PXDNL: variants seen among roughly 807,000 people sequenced by gnomAD.
The protein encoded by PXDNL is probable oxidoreductase PXDNL.
In PXDNL, 145 loss-of-function variants were observed where a neutral mutation model predicts 150.8. The ratio of observed to expected loss-of-function variants is 0.96; its 90% confidence interval spans 0.84 to 1.10. PXDNL has a LOEUF of 1.10. Among genes scored for constraint, PXDNL ranks in the 50% least tolerant of loss-of-function variants. The pLI is 0.00. For missense variants in PXDNL, 2,087 were observed against 1,873.9 expected, an observed-to-expected ratio of 1.11 and a Z score of -2.10; for synonymous variants, 757 against 725.7, an observed-to-expected ratio of 1.04 and a Z score of -0.69.
At chr8:51,347,666 T>C (rs1177536870) in intron 19 of PXDNL, among the ~76,000 whole-genome samples, 2 of 151,800 alleles carry the variant, frequency 1.3e-5, no homozygotes, top group African/African-American at 2.4e-5. Context: ...AAAAAATTTC[T>C]GGAGGCCGGG....
chr8:51,323,798 C>T (rs1805396665), intron 21 of PXDNL, among the ~76,000 whole-genome samples: 1 of 151,864 alleles, frequency 6.6e-6, no homozygotes. Flanking sequence ...TGCCTGTAAT[C>T]CCAGCTACTC....
chr8:51,705,851 G>GCA, intron 1 of PXDNL, among the ~76,000 whole-genome samples: 1 of 140,996 alleles, frequency 7.1e-6, no homozygotes, highest in Non-Finnish European at 1.6e-5. Context: ...GCGCGCGCGC[G>GCA]CGTGCATGCA....
At chr8:51,663,099 T>A (rs368205800) in intron 1 of PXDNL, among the ~76,000 whole-genome samples, 4 of 152,158 alleles carry the variant, frequency 2.6e-5, no homozygotes, top group Non-Finnish European at 4.4e-5. Flanking sequence ...GGTGTTAACA[T>A]GATGATTTTA....
chr8:51,403,677 G>C (rs1808339368), intron 17 of PXDNL, among the ~76,000 whole-genome samples: 1 of 152,204 alleles, frequency 6.6e-6, no homozygotes, highest in African/African-American at 2.4e-5. Flanking sequence ...TTCACAGACA[G>C]CTGCCATCTG....
At chr8:51,394,841 C>T (rs1398510408) in intron 17 of PXDNL, among the ~76,000 whole-genome samples, 1 of 152,134 alleles carries the variant, frequency 6.6e-6, no homozygotes, top group African/African-American at 2.4e-5. Flanking sequence ...AGTCTCTGCT[C>T]TGCCCAGGAT....
intron 1 of PXDNL, among the ~76,000 whole-genome samples, chr8:51,806,391 T>C (rs1427368112): frequency 6.6e-6 from 1 of 152,148 alleles, no homozygotes; most frequent in Admixed American, 6.5e-5. Flanking sequence ...CAAAAACTAT[T>C]GGTTCTGCTG....
At chr8:51,575,462 C>T (rs954719108) in intron 3 of PXDNL, among the ~76,000 whole-genome samples, 1 of 152,060 alleles carries the variant, frequency 6.6e-6, no homozygotes, top group Non-Finnish European at 1.5e-5. Flanking sequence ...GCCCCTGAAT[C>T]CCAGCACATT....
At chr8:51,581,961 T>C (rs1373827339) in intron 3 of PXDNL, among the ~76,000 whole-genome samples, 1 of 151,666 alleles carries the variant, frequency 6.6e-6, no homozygotes, top group Non-Finnish European at 1.5e-5. Flanking sequence ...AAAATTTAAT[T>C]ACATGGAACA....
chr8:51,478,150 AC>A (rs1810524001), intron 6 of PXDNL, among the ~76,000 whole-genome samples: 2 of 152,172 alleles, frequency 1.3e-5, no homozygotes, highest in South Asian at 4.1e-4. Flanking sequence ...AATATTGAAA[AC>A]CAAGGAGCAA....
chr8:51,524,077 G>C (rs908190012), intron 4 of PXDNL, among the ~76,000 whole-genome samples: 1 of 152,188 alleles, frequency 6.6e-6, no homozygotes, highest in Admixed American at 6.5e-5. Context: ...CCACCCATAC[G>C]ATGGGCTTGT....
chr8:51,750,008 T>A (rs563142474), intron 1 of PXDNL, among the ~76,000 whole-genome samples: 1 of 152,296 alleles, frequency 6.6e-6, no homozygotes, highest in South Asian at 2.1e-4. Flanking sequence ...TCCACTAAAC[T>A]TATTTTTTAA....
intron 10 of PXDNL, among the ~76,000 whole-genome samples, chr8:51,451,408 T>A (rs917624296): frequency 4.6e-5 from 7 of 152,186 alleles, no homozygotes; most frequent in African/African-American, 1.7e-4. Flanking sequence ...TAGACAGGAA[T>A]GATGAAGCTG....
chr8:51,715,769 G>T (rs75463275), intron 1 of PXDNL, among the ~76,000 whole-genome samples: 7,858 of 152,198 alleles, frequency 0.052, 291 homozygotes, highest in Non-Finnish European at 0.081. Flanking sequence ...GACTCAGGAG[G>T]TACAGTAACC....
chr8:51,578,042 G>A (rs1192183686), intron 3 of PXDNL, among the ~76,000 whole-genome samples: 18 of 122,282 alleles, frequency 1.5e-4, no homozygotes, highest in African/African-American at 6.9e-4. Context: ...AGGAAGGAAG[G>A]AAGGAAGGAA....
chr8:51,634,452 T>C (rs1476459073), intron 2 of PXDNL, among the ~76,000 whole-genome samples: 1 of 152,180 alleles, frequency 6.6e-6, no homozygotes, highest in African/African-American at 2.4e-5. Flanking sequence ...AAGACTTCTT[T>C]GGCTATTTGG....
At chr8:51,794,803 C>A (rs916646442) in intron 1 of PXDNL, among the ~76,000 whole-genome samples, 1 of 152,160 alleles carries the variant, frequency 6.6e-6, no homozygotes, top group Non-Finnish European at 1.5e-5. Flanking sequence ...CAAATTCATA[C>A]ATAATAATAT....
At position 51,378,677 on chromosome 8, in the gene PXDNL, C is replaced by T. The variant is rs530263533; in HGVS notation, c.3558-3946G>A. 1.2e-4 allele frequency among the ~76,000 whole-genome samples: 19 copies of T among 152,300 alleles called. No homozygotes were observed. The South Asian group carries it at 3.9e-3, about 32-fold the overall frequency. Reference sequence around the variant, plus strand: ...GAGCTGTAACACTCACTGTGAAGATCTGCAACTTCACTGCTGAGGCCAGCA... The same window carrying T: ...GAGCTGTAACACTCACTGTGAAGATTTGCAACTTCACTGCTGAGGCCAGCA... On this transcript the variant is annotated intron_variant, in intron 17 of 22. Transcript: ENST00000356297.
intron 17 of PXDNL, among the ~76,000 whole-genome samples, chr8:51,398,239 A>G (rs1257167556): frequency 1.3e-5 from 2 of 152,218 alleles, no homozygotes; most frequent in African/African-American, 2.4e-5. Context: ...ACAGGGCACT[A>G]GAATCCCAGC....
intron 1 of PXDNL, among the ~76,000 whole-genome samples, chr8:51,684,241 CTG>C (rs1453725312): frequency 2.0e-5 from 3 of 152,232 alleles, no homozygotes; most frequent in Non-Finnish European, 4.4e-5. Flanking sequence ...AACTGATCCA[CTG>C]TCAAGGCCAA....
Sources: gnomAD v4.1 joint callset for allele counts (sites outside exome capture counted in the v4.1 genomes callset) on GRCh38, gnomAD v4.1.1 for gene constraint, MANE v1.5 for transcripts, NCBI Gene and HGNC (gene_info 2026-07-23, HGNC 2026-07-21) for gene names.